Variants in AUH observed in about 807,000 individuals in gnomAD.
AUH encodes methylglutaconyl-CoA hydratase, mitochondrial.
AUH carries 29 observed loss-of-function variants against 42.3 expected under a neutral mutation model. The observed-to-expected ratio is 0.69, with a 90% CI of 0.51 to 0.93. The LOEUF (loss-of-function observed/expected upper bound fraction) is 0.93, where lower values mean the gene tolerates loss of function less well. Among genes scored for constraint, AUH ranks in the 40% least tolerant of loss-of-function variants. The probability of loss-of-function intolerance (pLI) is 0.00; values close to 1 mark genes in which losing one functional copy is unlikely to be tolerated. For missense variants in AUH, 452 were observed against 438.1 expected, an observed-to-expected ratio of 1.03 and a Z score of -0.28; for synonymous variants, 174 against 166.4, an observed-to-expected ratio of 1.05 and a Z score of -0.35.
At chr9:91,330,884 T>C (rs1022939852) in intron 3 of AUH, among the ~76,000 whole-genome samples, 3 of 152,318 alleles carry the variant, frequency 2.0e-5, no homozygotes, top group East Asian at 1.9e-4. Context: ...ATTGCCTATG[T>C]CTTTTGGGTG....
At chr9:91,310,452 T>C (rs904570712) in intron 4 of AUH, among the ~76,000 whole-genome samples, 1 of 152,178 alleles carries the variant, frequency 6.6e-6, no homozygotes, top group Non-Finnish European at 1.5e-5. Context: ...TACTAGACAC[T>C]AGGTATAAGT....
chr9:91,266,093 T>G (rs1829962141), intron 6 of AUH, among the ~76,000 whole-genome samples: 1 of 152,180 alleles, frequency 6.6e-6, no homozygotes, highest in Non-Finnish European at 1.5e-5. Flanking sequence ...CCGGGCACGG[T>G]GGCTCATGCG....
intron 6 of AUH, among the ~76,000 whole-genome samples, chr9:91,229,844 G>A (rs564486886): frequency 3.3e-5 from 5 of 150,642 alleles, no homozygotes; most frequent in Non-Finnish European, 4.5e-5. Context: ...TGAAATTCTG[G>A]GTTGAAAATT....
chr9:91,222,607 TGTA>T (rs1412126295), intron 6 of AUH, among the ~76,000 whole-genome samples: 1 of 152,210 alleles, frequency 6.6e-6, no homozygotes, highest in Non-Finnish European at 1.5e-5. Context: ...TGTTGCTCAG[TGTA>T]GTAAAGATAG....
chr9:91,361,516 G>C (rs1465832508), intron 1 of AUH, 112 bp downstream of exon 1: 1 of 1,433,994 alleles, frequency 7.0e-7, no homozygotes, highest in East Asian at 2.7e-5. Context: ...CAGGTTCGGT[G>C]CGCCTGCCTG....
At chr9:91,221,687 C>T (rs534309965) in intron 6 of AUH, among the ~76,000 whole-genome samples, 1 of 152,262 alleles carries the variant, frequency 6.6e-6, no homozygotes, top group African/African-American at 2.4e-5. Flanking sequence ...ACTTTAGGGA[C>T]TTCGGGAGTT....
At chr9:91,323,947 AT>A (rs1157999116) in intron 4 of AUH, among the ~76,000 whole-genome samples, 1 of 152,194 alleles carries the variant, frequency 6.6e-6, no homozygotes, top group Non-Finnish European at 1.5e-5. Context: ...CCTTAAAAAA[AT>A]AATTCTAAAT....
In AUH at chr9:91,296,084, CGAAA is replaced by C. The variant is rs1827308823; in HGVS notation, c.599-11_599-8del. The C allele has an allele frequency of 1.6e-5, 26 of 1,613,120 alleles. No homozygotes were observed. Among genetic ancestry groups the C allele is most frequent in the Non-Finnish European group, 2.1e-5 (25 of 1,179,688 alleles). ...CCCATTTTTGCAGAGGAAGCTAAAA[CGAAA>C]GAAAGAAAATTAAGTATCATCCATA... On this transcript the variant is annotated splice_polypyrimidine_tract_variant and splice_region_variant and intron_variant, in intron 5 of 9. Coordinates refer to ENST00000375731, the MANE Select transcript of AUH (RefSeq NM_001698.3).
chr9:91,355,830 T>C (rs1365787303), intron 3 of AUH, 53 bp downstream of exon 3: 38 of 1,490,342 alleles, frequency 2.5e-5, no homozygotes, highest in South Asian at 3.4e-5. Flanking sequence ...CAGATTACTA[T>C]TGAGGAAAAA....
At chr9:91,276,755 T>C (rs927643408) in intron 6 of AUH, among the ~76,000 whole-genome samples, 2 of 152,166 alleles carry the variant, frequency 1.3e-5, no homozygotes, top group African/African-American at 2.4e-5. Flanking sequence ...CCTGTCACCT[T>C]ATACACTGGC....
At chr9:91,307,637 A>G (rs1828331754) in intron 4 of AUH, among the ~76,000 whole-genome samples, 1 of 152,244 alleles carries the variant, frequency 6.6e-6, no homozygotes, top group Non-Finnish European at 1.5e-5. Flanking sequence ...AGAACAGACT[A>G]TATTCATATG....
At chr9:91,240,636 G>A (rs1400200918) in intron 6 of AUH, among the ~76,000 whole-genome samples, 1 of 151,940 alleles carries the variant, frequency 6.6e-6, no homozygotes, top group Non-Finnish European at 1.5e-5. Flanking sequence ...CTTGAAATGT[G>A]ACTAGTATGG....
intron 6 of AUH, among the ~76,000 whole-genome samples, chr9:91,255,507 T>G (rs997482633): frequency 2.0e-5 from 3 of 152,218 alleles, no homozygotes; most frequent in Non-Finnish European, 4.4e-5. Context: ...GAAAAAGCTT[T>G]GCCCAGCTGC....
intron 9 of AUH, 84 bp from the exon 10 acceptor site, chr9:91,214,509 A>G (rs1435172754): frequency 8.7e-6 from 10 of 1,145,518 alleles, no homozygotes; most frequent in Non-Finnish European, 1.2e-5. Context: ...AAAACTACTT[A>G]GAACCACATT....
At chr9:91,322,226 C>T (rs1829633755) in intron 4 of AUH, among the ~76,000 whole-genome samples, 1 of 152,114 alleles carries the variant, frequency 6.6e-6, no homozygotes, top group South Asian at 2.1e-4. Context: ...CCAGAAAAAT[C>T]CCAATTTCAG....
intron 6 of AUH, among the ~76,000 whole-genome samples, chr9:91,270,020 G>C (rs1296643508): frequency 6.6e-6 from 1 of 152,150 alleles, no homozygotes; most frequent in Non-Finnish European, 1.5e-5. Context: ...ACTCTATCAA[G>C]TGAGCCAGAA....
intron 6 of AUH, among the ~76,000 whole-genome samples, chr9:91,279,025 A>T (rs1325387252): frequency 6.6e-6 from 1 of 152,174 alleles, no homozygotes; most frequent in Non-Finnish European, 1.5e-5. Flanking sequence ...TCTCTTCTTC[A>T]TTATCTTGGT....
intron 4 of AUH, among the ~76,000 whole-genome samples, chr9:91,312,712 T>C (rs963054814): frequency 6.6e-6 from 1 of 152,016 alleles, no homozygotes; most frequent in African/African-American, 2.4e-5. Context: ...AGCAACAGAG[T>C]GGGACCCTAT....
At chr9:91,313,677 A>G (rs1453708661) in intron 4 of AUH, among the ~76,000 whole-genome samples, 1 of 140,240 alleles carries the variant, frequency 7.1e-6, no homozygotes. Flanking sequence ...TGCAGTCCGC[A>G]GTCCGGCCTG....
Sources: gnomAD v4.1 joint callset for allele counts (sites outside exome capture counted in the v4.1 genomes callset) on GRCh38, gnomAD v4.1.1 for gene constraint, MANE v1.5 for transcripts, NCBI Gene and HGNC (gene_info 2026-07-23, HGNC 2026-07-21) for gene names.